Variants in A1CF observed in about 807,000 individuals in gnomAD.
The protein encoded by A1CF is APOBEC-1 stimulating protein.
In A1CF, 48 loss-of-function variants were observed where a neutral mutation model predicts 68.9. The observed-to-expected ratio is 0.70, with a 90% CI of 0.55 to 0.89. The LOEUF (loss-of-function observed/expected upper bound fraction) is 0.89. Among genes scored for constraint, A1CF ranks in the 40% least tolerant of loss-of-function variants. The pLI, the probability that A1CF is intolerant of heterozygous loss-of-function variation, is 0.00. For synonymous variants in A1CF, 272 were observed against 260.4 expected (o/e 1.04, Z -0.43); for missense variants, 653 against 718.9 (o/e 0.91, Z 1.05).
rs375897906 is a variant in A1CF, at chr10:50,805,079, T to C, written c.*1650A>G. On this transcript the variant is annotated 3_prime_UTR_variant, in exon 13 of 13. Transcript: ENST00000373997. The stretch of plus-strand genomic sequence containing the variant: ...TAGCCTTGGAGGCTTTGTTATCTCA[T>C]TGGAGTTAGGACAACTGAAATGTTA... 3.6e-4 allele frequency: 55 copies of C among 152,340 alleles called. No individual in the cohort carries two copies. Among genetic ancestry groups the C allele is most frequent in the African/African-American group, 1.3e-3 (54 of 41,574 alleles). The allele number at this position is 152,340 out of a possible 1,614,324, so 9.4% of individuals were successfully genotyped here.
chr10:50,872,946 C>CTTTTTT (rs34770362), intron 1 of A1CF, among the ~76,000 whole-genome samples: 3 of 67,290 alleles, frequency 4.5e-5, no homozygotes, highest in African/African-American at 5.6e-5. Context: ...ATTTAAGTTC[C>CTTTTTT]TTTTTTTTTT....
At chr10:50,862,212 A>C (rs575609222) in intron 2 of A1CF, among the ~76,000 whole-genome samples, 6 of 152,088 alleles carry the variant, frequency 3.9e-5, no homozygotes, top group Admixed American at 3.9e-4. Context: ...TTAAAAATGC[A>C]AAAATTAGCC....
At chr10:50,867,843 G>A (rs556001599) in intron 1 of A1CF, among the ~76,000 whole-genome samples, 3 of 152,272 alleles carry the variant, frequency 2.0e-5, no homozygotes, top group Non-Finnish European at 4.4e-5. Context: ...TATCTGCAAC[G>A]TGGTAGACAA....
chr10:50,807,416 A>G (rs1195888944), intron 12 of A1CF, among the ~76,000 whole-genome samples: 1 of 152,194 alleles, frequency 6.6e-6, no homozygotes, highest in East Asian at 1.9e-4. Flanking sequence ...GTAAAGGTTA[A>G]GTGTGCTTTT....
intron 9 of A1CF, 120 bp downstream of exon 9, chr10:50,815,886 T>A: frequency 8.2e-7 from 1 of 1,213,452 alleles, no homozygotes; most frequent in Non-Finnish European, 1.2e-6. Context: ...AGTTGATTTT[T>A]AATAAACAAT....
At chr10:50,813,526 C>A (rs1404375480) in intron 10 of A1CF, among the ~76,000 whole-genome samples, 1 of 152,164 alleles carries the variant, frequency 6.6e-6, no homozygotes. Flanking sequence ...GGCTCACATA[C>A]AATAGGCATT....
chr10:50,846,962 A>G (rs1409169831), intron 3 of A1CF, among the ~76,000 whole-genome samples: 1 of 152,306 alleles, frequency 6.6e-6, no homozygotes, highest in East Asian at 1.9e-4. Flanking sequence ...TCAATTTAAG[A>G]CAGGCAATGG....
chr10:50,867,781 TTAAAG>T (rs1185140747), intron 1 of A1CF, among the ~76,000 whole-genome samples: 1 of 152,146 alleles, frequency 6.6e-6, no homozygotes, highest in African/African-American at 2.4e-5. Context: ...TGGTTAAAAA[TTAAAG>T]TAATTATCCT....
At chr10:50,876,101 C>T (rs1454522602) in intron 1 of A1CF, among the ~76,000 whole-genome samples, 1 of 152,174 alleles carries the variant, frequency 6.6e-6, no homozygotes, top group Non-Finnish European at 1.5e-5. Context: ...ATTATTCTTT[C>T]TATAATTTCC....
intron 3 of A1CF, among the ~76,000 whole-genome samples, chr10:50,853,788 T>C (rs1840355356): frequency 6.7e-6 from 1 of 149,966 alleles, no homozygotes; most frequent in South Asian, 2.1e-4. Flanking sequence ...ATAGTTGATA[T>C]TTTAGGCTTT....
At position 50,803,668 on chromosome 10, in the gene A1CF, T is replaced by G. The variant is rs936797637; in HGVS notation, c.*3061A>C. 1.4e-4 allele frequency: 21 copies of G among 152,236 alleles called. No individual in the cohort carries two copies. Among genetic ancestry groups the G allele is most frequent in the African/African-American group, 5.1e-4 (21 of 41,462 alleles). 9.4% of individuals were successfully genotyped at this position (152,236 alleles called of 1,614,324 possible). A position where few individuals can be genotyped will look rare whatever the true frequency, so the allele number is the denominator to read the frequency against. The stretch of plus-strand genomic sequence containing the variant: ...CCATTGCTGATCAATTTCCTCCTAC[T>G]TAAGCAACATTAGGCTGATTTTAAT... On this transcript the variant is annotated 3_prime_UTR_variant, in exon 13 of 13. Coordinates refer to ENST00000373997, the MANE Select transcript of A1CF (RefSeq NM_014576.4).
intron 6 of A1CF, 50 bp from the exon 7 acceptor site, chr10:50,828,345 C>T (rs753527003): frequency 3.6e-6 from 5 of 1,395,532 alleles, no homozygotes; most frequent in Non-Finnish European, 3.8e-6. Context: ...ATCAGGACAA[C>T]ATCATCTCAA....
intron 1 of A1CF, among the ~76,000 whole-genome samples, chr10:50,871,361 A>C (rs1841259517): frequency 6.6e-6 from 1 of 151,928 alleles, no homozygotes; most frequent in African/African-American, 2.4e-5. Flanking sequence ...AAAATGATAA[A>C]ATTTGACTGA....
intron 10 of A1CF, among the ~76,000 whole-genome samples, chr10:50,812,269 G>A (rs1838153979): frequency 6.6e-6 from 1 of 152,130 alleles, no homozygotes; most frequent in Admixed American, 6.6e-5. Flanking sequence ...TGCTGACTTT[G>A]CAGGAAAGGG....
chr10:50,832,869 T>C (rs1839315231), intron 6 of A1CF, among the ~76,000 whole-genome samples: 1 of 139,688 alleles, frequency 7.2e-6, no homozygotes, highest in Non-Finnish European at 1.5e-5. Context: ...GGTACTATGT[T>C]TTTTTTTTTA....
At position 50,885,574 on chromosome 10, in the gene A1CF, A is replaced by G. The variant is rs546719530; in HGVS notation, c.-94+7T>C. On this transcript the variant is annotated splice_region_variant and intron_variant, in intron 1 of 12. Coordinates refer to ENST00000373997, the MANE Select transcript of A1CF (RefSeq NM_014576.4). ...AAATAGAAAAAAGCAAAACACATGG[A>G]TCATACCTGAGTAATTTCAGAGATC... 3.3e-5 allele frequency: 5 copies of G among 152,274 alleles called. No homozygotes were observed. Among genetic ancestry groups the G allele is most frequent in the African/African-American group, 1.2e-4 (5 of 41,538 alleles). 9.4% of individuals were successfully genotyped at this position (152,274 alleles called of 1,614,324 possible). A position where few individuals can be genotyped will look rare whatever the true frequency, so the allele number is the denominator to read the frequency against.
chr10:50,836,142 C>T lies in A1CF; in HGVS notation c.536G>A (p.Arg179Gln), dbSNP rs775151975. Reference protein sequence around the residue: ...YPSAADKTKNRGFAFVEYESH... With the variant: ...YPSAADKTKNQGFAFVEYESH... ...CTCATACTCCACGAAGGCAAAGCCT[C>T]GGTTTTTGGTTTTATCTGCAGCGCT... The change falls in exon 6 of 13, where the codon CGA becomes CAA. Residue 179 changes from arginine (R) to glutamine (Q), a missense_variant. By Grantham distance (43) the Arg-to-Gln change is conservative (BLOSUM62 1). Coordinates refer to ENST00000373997, the MANE Select transcript of A1CF (RefSeq NM_014576.4). 2.5e-6 allele frequency: 4 copies of T among 1,613,980 alleles called. No individual in the cohort carries two copies. Among genetic ancestry groups the T allele is most frequent in the East Asian group, 2.2e-5 (1 of 44,858 alleles).
At chr10:50,850,425 T>C (rs923001485) in intron 3 of A1CF, among the ~76,000 whole-genome samples, 4 of 152,220 alleles carry the variant, frequency 2.6e-5, no homozygotes, top group African/African-American at 9.6e-5. Context: ...TTTTAAATGA[T>C]GTGTTTTGCA....
At position 50,816,093 on chromosome 10, in the gene A1CF, T is replaced by G. The variant is rs1588970346; in HGVS notation, c.1054A>C (p.Thr352Pro). ...TGAAGACTGGGAATTGCTGCATAGG[T>G]CTGGGGGGCATAGAAGACAGGAGCT... is the stretch of plus-strand genomic sequence containing the variant. Reference protein sequence around the residue: ...LGAPVFYAPQTYAAIPSLHFP... With the variant: ...LGAPVFYAPQPYAAIPSLHFP... The change falls in exon 9 of 13, where the codon ACC becomes CCC. Residue 352 changes from threonine to proline, a missense_variant. Thr to Pro is a conservative substitution (Grantham distance 38). Coordinates refer to ENST00000373997, the MANE Select transcript of A1CF (RefSeq NM_014576.4). The G allele has an allele frequency of 6.2e-7, 1 of 1,613,516 alleles. No individual in the cohort carries two copies. The highest frequency in any genetic ancestry group is 1.7e-5 in the Admixed American group (1 of 59,904).
Sources: gnomAD v4.1 joint callset for allele counts (sites outside exome capture counted in the v4.1 genomes callset) on GRCh38, gnomAD v4.1.1 for gene constraint, MANE v1.5 for transcripts, NCBI Gene and HGNC (gene_info 2026-07-23, HGNC 2026-07-21) for gene names.